Variants in RFX2 observed in about 807,000 individuals in gnomAD.
RFX2 encodes the protein regulatory factor X2.
Under a neutral mutation model 87.8 loss-of-function variants are expected in RFX2, and 20 were observed. That is an observed-to-expected ratio of 0.23 (90% CI 0.16 to 0.33). RFX2 has a LOEUF of 0.33. Among genes scored for constraint, RFX2 ranks in the 10% least tolerant of loss-of-function variants. RFX2 has a pLI of 1.00. For synonymous variants in RFX2, 397 were observed against 431.3 expected, an observed-to-expected ratio of 0.92 and a Z score of 0.98; for missense variants, 767 against 1,012.3, an observed-to-expected ratio of 0.76 and a Z score of 3.29.
In RFX2 at chr19:6,063,961, C is replaced by T. The variant is rs2087475375; in HGVS notation, c.-8-16457G>A. 6.6e-6 allele frequency among the ~76,000 whole-genome samples: 1 copy of T among 152,240 alleles called. No individual in the cohort carries two copies. The highest frequency in any genetic ancestry group is 1.5e-5 in the Non-Finnish European group (1 of 68,042). On this transcript the variant is annotated intron_variant, in intron 1 of 17. Transcript: ENST00000303657. This position sits in a 1 kb window ranked among gnomAD's most constrained non-coding sequence, Gnocchi z 4.0. ...CAGCATTTCCAGATTCACCAAACCA[C>T]TCTCCGTGCTTGTCCCCTCAGATTA...
Position 5,997,519 on chromosome 19 carries a change from C to A in RFX2, c.1860-306G>T, listed in dbSNP as rs1311647488. The A allele has an allele frequency of 3.0e-6, 1 of 336,466 alleles. No homozygotes were observed. The highest frequency in any genetic ancestry group is 5.2e-5 in the East Asian group (1 of 19,080). The allele number at this position is 336,466 out of a possible 1,614,324, so 20.8% of individuals were successfully genotyped here. ...GGGAAACAACTGTGGCTGGTGCTAG[C>A]GCAGGCGCTAGATGGGATCTTAGCT... is the stretch of plus-strand genomic sequence containing the variant. On this transcript the variant is annotated intron_variant, in intron 15 of 17. Transcript: ENST00000303657. The surrounding 1 kb of genome is among the most constrained non-coding windows in gnomAD (Gnocchi z 4.2).
chr19:6,031,497 T>G (rs1259200587), intron 5 of RFX2, among the ~76,000 whole-genome samples: 1 of 134,530 alleles, frequency 7.4e-6, no homozygotes, highest in East Asian at 2.6e-4. Context: ...TGTTGCGATC[T>G]TGGCTCACTG....
chr19:6,089,933 T>C (rs2087909568), intron 1 of RFX2, among the ~76,000 whole-genome samples: 2 of 152,126 alleles, frequency 1.3e-5, no homozygotes, highest in Admixed American at 6.6e-5. Context: ...CATCTTTGGA[T>C]TGTTTGTATA....
intron 1 of RFX2, among the ~76,000 whole-genome samples, chr19:6,091,546 A>G (rs1299050372): frequency 1.3e-5 from 2 of 152,216 alleles, no homozygotes; most frequent in East Asian, 1.9e-4. Context: ...AAGAGAAACA[A>G]TGATATAGAG....
In RFX2 at chr19:6,014,634, C is replaced by CG. The variant is rs1336734202; in HGVS notation, c.779+1455dup. Among the ~76,000 whole-genome samples the CG allele has an allele frequency of 2.0e-5, 3 of 152,082 alleles. No individual in the cohort carries two copies. The South Asian group carries it at 6.2e-4, about 31-fold the overall frequency. ...AGCCAGGTGCTCGGAGGAGGGAAAA[C>CG]GGGGGGAAATCAGCCTTAATCCTGA... is the stretch of plus-strand genomic sequence containing the variant. On this transcript the variant is annotated intron_variant, in intron 7 of 17. Transcript: ENST00000303657.
rs1415731086 is a variant in RFX2 at position 5,994,121 on chromosome 19, T to C, written c.*714A>G. 6.6e-6 allele frequency: 1 copy of C among 152,262 alleles called. No homozygotes were observed. Among genetic ancestry groups the C allele is most frequent in the Non-Finnish European group, 1.5e-5 (1 of 68,052 alleles). 9.4% of individuals were successfully genotyped at this position (152,262 alleles called of 1,614,324 possible). A position where few individuals can be genotyped will look rare whatever the true frequency, so the allele number is the denominator to read the frequency against. ...AGCCCGTTTCTGTGGCTTGTTCTTT[T>C]TCGAGCTGCGGATCTGCCGGGACAC... On this transcript the variant is annotated 3_prime_UTR_variant, in exon 18 of 18. Transcript: ENST00000303657.
At chr19:6,092,067 G>A (rs2087943938) in intron 1 of RFX2, among the ~76,000 whole-genome samples, 1 of 152,154 alleles carries the variant, frequency 6.6e-6, no homozygotes, top group African/African-American at 2.4e-5. Context: ...CTTAAAGGAT[G>A]TTAAAAAAGA....
At chr19:6,066,587 G>A (rs936334634) in intron 1 of RFX2, among the ~76,000 whole-genome samples, 3 of 152,214 alleles carry the variant, frequency 2.0e-5, no homozygotes, top group Non-Finnish European at 4.4e-5. Flanking sequence ...ATGGCCAGAA[G>A]TTTGTTTCAA....
intron 1 of RFX2, chr19:6,077,991 A>AG (rs1201442855): frequency 6.6e-6 from 1 of 151,964 alleles, no homozygotes; most frequent in Non-Finnish European, 1.5e-5. Context: ...AAAAAAAAAA[A>AG]AAAAAAAAAG....
chr19:6,100,664 G>A (rs1237957891), intron 1 of RFX2, among the ~76,000 whole-genome samples: 1 of 152,172 alleles, frequency 6.6e-6, no homozygotes, highest in Non-Finnish European at 1.5e-5. Flanking sequence ...AAGTCTAGGT[G>A]GGAGGCGCCA....
chr19:6,048,051 T>C (rs2087220820), intron 1 of RFX2, among the ~76,000 whole-genome samples: 1 of 152,212 alleles, frequency 6.6e-6, no homozygotes. Context: ...ACCCATTCCA[T>C]GCCAGGAGCG....
intron 1 of RFX2, among the ~76,000 whole-genome samples, chr19:6,092,430 G>A (rs2087948975): frequency 6.6e-6 from 1 of 152,278 alleles, no homozygotes; most frequent in Admixed American, 6.5e-5. Context: ...CCGCTGAGAA[G>A]GCAGAAGAAC....
intron 1 of RFX2, among the ~76,000 whole-genome samples, chr19:6,100,523 G>A (rs1047980079): frequency 1.8e-4 from 28 of 152,170 alleles, no homozygotes; most frequent in African/African-American, 6.5e-4. Context: ...TATTGCCTCT[G>A]TAACAGGAGA....
chr19:6,016,033 C>T lies in RFX2; in HGVS notation c.779+57G>A, dbSNP rs1267737727. 2 of 1,489,786 alleles carry T rather than the reference C, an allele frequency of 1.3e-6. No homozygotes were observed. The highest frequency in any genetic ancestry group is 2.3e-5 in the East Asian group (1 of 42,666). 92.3% of individuals were successfully genotyped at this position (1,489,786 alleles called of 1,614,324 possible). ...AGGAAGCCTCGCATTTTCCCAAAAG[C>T]TCCATTTCTTGGGAAAGGAAGAGGA... On this transcript the variant is annotated intron_variant, in intron 7 of 17. Coordinates refer to ENST00000303657, the MANE Select transcript of RFX2 (RefSeq NM_000635.4). This position sits in a 1 kb window ranked among gnomAD's most constrained non-coding sequence, Gnocchi z 5.4.
At chr19:6,108,562 G>T (rs935314722) in intron 1 of RFX2, among the ~76,000 whole-genome samples, 1 of 152,206 alleles carries the variant, frequency 6.6e-6, no homozygotes, top group Non-Finnish European at 1.5e-5. Flanking sequence ...AATGAAGCTT[G>T]TACAAGGTTT....
intron 1 of RFX2, among the ~76,000 whole-genome samples, chr19:6,102,726 C>A (rs2088146048): frequency 6.6e-6 from 1 of 152,238 alleles, no homozygotes; most frequent in Admixed American, 6.5e-5. Flanking sequence ...CTCAGCTCAA[C>A]TGTCACCTCC....
rs533873266 is a variant in RFX2 at position 6,064,280 on chromosome 19, C to T, written c.-8-16776G>A. On this transcript the variant is annotated intron_variant, in intron 1 of 17. Coordinates refer to ENST00000303657, the MANE Select transcript of RFX2 (RefSeq NM_000635.4). The surrounding 1 kb of genome is among the most constrained non-coding windows in gnomAD (Gnocchi z 4.8). ...GGGCCTGTCCCAGGATTCTTGGAAG[C>T]GGCTTCCTAAGGCATCATGCTTTTG... is the stretch of plus-strand genomic sequence containing the variant. 2.6e-5 allele frequency among the ~76,000 whole-genome samples: 4 copies of T among 152,338 alleles called. No homozygotes were observed. The highest frequency in any genetic ancestry group is 1.3e-4 in the Admixed American group (2 of 15,302).
In RFX2 at chr19:6,074,292, C is replaced by T. The variant is rs1568185451; in HGVS notation, c.-8-26788G>A. Among the ~76,000 whole-genome samples the T allele has an allele frequency of 2.0e-5, 3 of 152,288 alleles. 1 individual carries two copies. The highest frequency in any genetic ancestry group is 3.9e-4 in the East Asian group (2 of 5,184). On this transcript the variant is annotated intron_variant, in intron 1 of 17. Coordinates refer to ENST00000303657, the MANE Select transcript of RFX2 (RefSeq NM_000635.4). This position sits in a 1 kb window ranked among gnomAD's most constrained non-coding sequence, Gnocchi z 5.2. ...TACAGATGCCACAGTGTGGAGGAAG[C>T]TCCTCCTCTCATCCCAAGCTAGCCC...
chr19:6,091,098 G>C (rs982954689), intron 1 of RFX2, among the ~76,000 whole-genome samples: 1 of 152,168 alleles, frequency 6.6e-6, no homozygotes, highest in African/African-American at 2.4e-5. Flanking sequence ...TTCTTTTCAC[G>C]GTGATGGAAA....
Sources: gnomAD v4.1 joint callset for allele counts (sites outside exome capture counted in the v4.1 genomes callset) on GRCh38, gnomAD v4.1.1 for gene constraint, Gnocchi (gnomAD v3.1) non-coding constraint, MANE v1.5 for transcripts, NCBI Gene and HGNC (gene_info 2026-07-23, HGNC 2026-07-21) for gene names.